PDE5A: variants seen among roughly 807,000 people sequenced by gnomAD.
The protein encoded by PDE5A is phosphodiesterase 5A.
Under a neutral mutation model 110.2 loss-of-function variants are expected in PDE5A, and 67 were observed. The observed-to-expected ratio is 0.61, with a 90% CI of 0.50 to 0.75. PDE5A has a LOEUF of 0.75. Among genes scored for constraint, PDE5A ranks in the 30% least tolerant of loss-of-function variants. PDE5A has a pLI of 0.00. For missense variants in PDE5A, 862 were observed against 1,045.1 expected, an observed-to-expected ratio of 0.82 and a Z score of 2.42; for synonymous variants, 328 against 351.2, an observed-to-expected ratio of 0.93 and a Z score of 0.74.
At chr4:119,543,768 C>G (rs1158660037) in intron 9 of PDE5A, 1 of 152,346 alleles carries the variant, frequency 6.6e-6, no homozygotes, top group Non-Finnish European at 1.5e-5. Flanking sequence ...CACTGCTCCC[C>G]ATTGCCTTCC....
At chr4:119,593,556 A>G (rs1180341253) in intron 3 of PDE5A, among the ~76,000 whole-genome samples, 1 of 152,220 alleles carries the variant, frequency 6.6e-6, no homozygotes, top group Non-Finnish European at 1.5e-5. Flanking sequence ...AAAGCAGATC[A>G]GTGCTTGTCA....
chr4:119,503,090 C>T (rs1473518693), intron 18 of PDE5A, among the ~76,000 whole-genome samples: 1 of 152,004 alleles, frequency 6.6e-6, no homozygotes, highest in Non-Finnish European at 1.5e-5. Flanking sequence ...CACCTAAGTG[C>T]TTATGGCGTG....
Position 119,627,114 on chromosome 4 carries a change from G to C in PDE5A, c.152+1406C>G, listed in dbSNP as rs766441252. On this transcript the variant is annotated intron_variant, in intron 1 of 20. Transcript: ENST00000354960. The surrounding 1 kb of genome is among the most constrained non-coding windows in gnomAD (Gnocchi z 4.6). ...GAGACCCGCCGCGCCCCCGGAAAAA[G>C]TGGGAAGGGACGTAGGGGGATGCTG... is the stretch of plus-strand genomic sequence containing the variant. The C allele has an allele frequency of 1.2e-6, 2 of 1,609,876 alleles. No homozygotes were observed. Among genetic ancestry groups the C allele is most frequent in the East Asian group, 2.2e-5 (1 of 44,624 alleles).
At chr4:119,619,352 A>T (rs967763464) in intron 1 of PDE5A, among the ~76,000 whole-genome samples, 5 of 152,196 alleles carry the variant, frequency 3.3e-5, no homozygotes, top group African/African-American at 1.2e-4. Flanking sequence ...CTTACAGCTG[A>T]AAGAGATTTT....
At chr4:119,498,774 A>G (rs199872368) in intron 20 of PDE5A, 36 bp from the exon 21 acceptor site, 18 of 1,612,058 alleles carry the variant, frequency 1.1e-5, no homozygotes, top group Non-Finnish European at 1.1e-5. Context: ...GCTAGAGAGA[A>G]GCCAGGAAAT....
intron 11 of PDE5A, among the ~76,000 whole-genome samples, chr4:119,532,474 C>T (rs1726578089): frequency 6.6e-6 from 1 of 152,018 alleles, no homozygotes; most frequent in South Asian, 2.1e-4. Context: ...AGACAAATGA[C>T]AGCCCTTCTT....
intron 4 of PDE5A, 40 bp from the exon 5 acceptor site, chr4:119,565,450 AAC>A (rs761648846): frequency 2.2e-6 from 3 of 1,357,304 alleles, no homozygotes; most frequent in Admixed American, 3.4e-5. Flanking sequence ...CGGTACATAA[AAC>A]AGTCTAGTTA....
At chr4:119,614,273 C>T (rs114513627) in intron 1 of PDE5A, among the ~76,000 whole-genome samples, 6,122 of 151,928 alleles carry the variant, frequency 0.04, 173 homozygotes, top group Middle Eastern at 0.088. Context: ...TAAATGTGTT[C>T]GAGAAAAAGT....
chr4:119,612,868 C>T (rs1038654145), intron 1 of PDE5A, among the ~76,000 whole-genome samples: 7 of 152,184 alleles, frequency 4.6e-5, no homozygotes, highest in Admixed American at 4.6e-4. Flanking sequence ...ATTTTCTAGA[C>T]ATAGACTAAA....
At chr4:119,501,677 A>C (rs113015137) in intron 19 of PDE5A, among the ~76,000 whole-genome samples, 318 of 152,264 alleles carry the variant, frequency 2.1e-3, no homozygotes, top group African/African-American at 7.3e-3. Flanking sequence ...ACTAATACAA[A>C]AAGAAAAAAA....
At chr4:119,596,684 A>T in intron 2 of PDE5A, 72 bp from the exon 3 acceptor site, 1 of 870,166 alleles carries the variant, frequency 1.1e-6, no homozygotes. Context: ...CTGATTTATT[A>T]GATTAGAGAA....
chr4:119,618,848 T>A (rs1730037211), intron 1 of PDE5A, among the ~76,000 whole-genome samples: 1 of 152,296 alleles, frequency 6.6e-6, no homozygotes, highest in Admixed American at 6.5e-5. Context: ...CTGTTTTAGT[T>A]CTTATCCATG....
At chr4:119,516,568 T>C (rs2110466312) in intron 14 of PDE5A, among the ~76,000 whole-genome samples, 1 of 152,328 alleles carries the variant, frequency 6.6e-6, no homozygotes, top group South Asian at 2.1e-4. Flanking sequence ...CTTTAGCTAT[T>C]TTGTTCCTAT....
At chr4:119,580,449 C>G (rs755953472) in intron 3 of PDE5A, among the ~76,000 whole-genome samples, 6 of 152,188 alleles carry the variant, frequency 3.9e-5, no homozygotes, top group Non-Finnish European at 5.9e-5. Flanking sequence ...TGCTGTCTTT[C>G]CCATGGCAGG....
chr4:119,498,824 C>CA (rs141662936), intron 20 of PDE5A, 86 bp from the exon 21 acceptor site: 16,089 of 1,398,638 alleles, frequency 0.012, 121 homozygotes, highest in Non-Finnish European at 0.014. Context: ...GGCCACATCC[C>CA]ACACTCATTT....
At position 119,525,420 on chromosome 4, in the gene PDE5A, G is replaced by T; in HGVS notation, c.1779+129C>A. 1 of 795,264 alleles carries T rather than the reference G, an allele frequency of 1.3e-6. No individual in the cohort carries two copies. The highest frequency in any genetic ancestry group is 2.7e-5 in the East Asian group (1 of 37,100). The allele number at this position is 795,264 out of a possible 1,614,324, so 49.3% of individuals were successfully genotyped here. ...CTTTAAAAGTCTCGGGTATATATTA[G>T]GTGACAGTATATTAATCACTAAAAT... On this transcript the variant is annotated intron_variant, in intron 12 of 20. Coordinates refer to ENST00000354960, the MANE Select transcript of PDE5A (RefSeq NM_001083.4). This position sits in a 1 kb window ranked among gnomAD's most constrained non-coding sequence, Gnocchi z 4.3.
At chr4:119,597,060 C>T (rs922172267) in intron 2 of PDE5A, among the ~76,000 whole-genome samples, 3 of 152,040 alleles carry the variant, frequency 2.0e-5, no homozygotes, top group South Asian at 2.1e-4. Context: ...ACTTCTATCT[C>T]AAGTATTCCT....
At position 119,494,641 on chromosome 4, in the gene PDE5A, T is replaced by C. The variant is rs975984593; in HGVS notation, c.*3960A>G. On this transcript the variant is annotated 3_prime_UTR_variant, in exon 21 of 21. Transcript: ENST00000354960. ...TGGTTATTTAAAATGCCTTAAAAGCTAAGCATAATATACATAGTAACTCCT... is the reference window on the plus strand; with the variant it reads ...TGGTTATTTAAAATGCCTTAAAAGCCAAGCATAATATACATAGTAACTCCT... The C allele has an allele frequency of 2.0e-5, 3 of 152,568 alleles. No individual in the cohort carries two copies. Among genetic ancestry groups the C allele is most frequent in the Non-Finnish European group, 4.4e-5 (3 of 68,016 alleles). 9.5% of individuals were successfully genotyped at this position (152,568 alleles called of 1,614,324 possible). A position where few individuals can be genotyped will look rare whatever the true frequency, so the allele number is the denominator to read the frequency against.
chr4:119,608,585 A>C (rs962729008), intron 1 of PDE5A, among the ~76,000 whole-genome samples: 4 of 152,162 alleles, frequency 2.6e-5, no homozygotes, highest in African/African-American at 9.7e-5. Context: ...TAAAACAAAA[A>C]CAAAAAAACC....
Sources: gnomAD v4.1 joint callset for allele counts (sites outside exome capture counted in the v4.1 genomes callset) on GRCh38, gnomAD v4.1.1 for gene constraint, Gnocchi (gnomAD v3.1) non-coding constraint, MANE v1.5 for transcripts, NCBI Gene and HGNC (gene_info 2026-07-23, HGNC 2026-07-21) for gene names.